CEP128: variants seen among roughly 807,000 people sequenced by gnomAD.
CEP128 encodes the protein centrosomal protein 128, also known as centrosomal protein 128kDa.
In CEP128, 132 loss-of-function variants were observed where a neutral mutation model predicts 156.7. The ratio of observed to expected loss-of-function variants is 0.84; its 90% CI spans 0.73 to 0.97. CEP128 has a LOEUF of 0.97. Ranked by LOEUF, CEP128 falls within the 50% of genes least tolerant of loss-of-function variation. The probability of loss-of-function intolerance (pLI) is 0.00; values close to 1 mark genes in which losing one functional copy is unlikely to be tolerated. For missense variants in CEP128, 1,252 were observed against 1,281.9 expected (o/e 0.98, Z 0.36); for synonymous variants, 469 against 448.9 (o/e 1.04, Z -0.57).
intron 16 of CEP128, among the ~76,000 whole-genome samples, chr14:80,768,509 C>T (rs933063748): frequency 6.6e-6 from 1 of 152,160 alleles, no homozygotes; most frequent in African/African-American, 2.4e-5. Flanking sequence ...CACTGTCTTC[C>T]TTCTCCTCTG....
chr14:80,651,553 T>G (rs961609718), intron 19 of CEP128, among the ~76,000 whole-genome samples: 2 of 152,204 alleles, frequency 1.3e-5, no homozygotes, highest in Non-Finnish European at 2.9e-5. Flanking sequence ...TGTGGGCATT[T>G]AGTGCTATAA....
chr14:80,516,913 G>C (rs1888516408), intron 23 of CEP128, among the ~76,000 whole-genome samples: 1 of 152,156 alleles, frequency 6.6e-6, no homozygotes, highest in Non-Finnish European at 1.5e-5. Context: ...CAGGTACTGT[G>C]ATTGCTCGCC....
chr14:80,758,522 CA>C (rs56253131), intron 17 of CEP128, among the ~76,000 whole-genome samples: 64,556 of 115,396 alleles, frequency 0.56, 14,248 homozygotes, highest in East Asian at 0.67. Context: ...GACTTTGTCT[CA>C]AAAAAAAAAA....
intron 19 of CEP128, among the ~76,000 whole-genome samples, chr14:80,705,255 T>A (rs1172686204): frequency 6.6e-6 from 1 of 152,000 alleles, no homozygotes; most frequent in Non-Finnish European, 1.5e-5. Context: ...TTAATCTAGA[T>A]TCTCCCTCTA....
chr14:80,660,482 T>C (rs535647236), intron 19 of CEP128, among the ~76,000 whole-genome samples: 3 of 152,204 alleles, frequency 2.0e-5, no homozygotes, highest in Admixed American at 2.0e-4. Context: ...ATCTTACAAC[T>C]GCAGTGATAA....
Position 80,904,805 on chromosome 14 carries a change from C to A in CEP128, c.480+8G>T, listed in dbSNP as rs377015992. 2 of 1,420,332 alleles carry A rather than the reference C, an allele frequency of 1.4e-6. No individual in the cohort carries two copies. The highest frequency in any genetic ancestry group is 2.8e-5 in the African/African-American group (2 of 70,934). 88.0% of individuals were successfully genotyped at this position (1,420,332 alleles called of 1,614,324 possible). A position where few individuals can be genotyped will look rare whatever the true frequency, so the allele number is the denominator to read the frequency against. ...ACTGCACACAAATTACAGAATGGTA[C>A]AAAGTACCTGAGTCATATCATCAGT... On this transcript the variant is annotated splice_region_variant and intron_variant, in intron 6 of 24. Transcript: ENST00000555265.
chr14:80,739,860 A>G (rs1467409927), intron 19 of CEP128, among the ~76,000 whole-genome samples: 1 of 152,170 alleles, frequency 6.6e-6, no homozygotes, highest in African/African-American at 2.4e-5. Flanking sequence ...GAAAAGACAA[A>G]TACTGTTACC....
intron 19 of CEP128, among the ~76,000 whole-genome samples, chr14:80,678,670 T>A (rs1204638278): frequency 6.6e-6 from 1 of 152,190 alleles, no homozygotes; most frequent in Non-Finnish European, 1.5e-5. Context: ...CTGTGACTCA[T>A]CTTTCCACTG....
At chr14:80,519,091 G>A (rs951756576) in intron 23 of CEP128, among the ~76,000 whole-genome samples, 1 of 152,184 alleles carries the variant, frequency 6.6e-6, no homozygotes, top group African/African-American at 2.4e-5. Context: ...AACATTCTTT[G>A]CAATTCTAAT....
chr14:80,820,832 G>A (rs1425379074), intron 13 of CEP128, among the ~76,000 whole-genome samples: 2 of 152,098 alleles, frequency 1.3e-5, no homozygotes, highest in Non-Finnish European at 2.9e-5. Context: ...ATTGCCACAA[G>A]TTTGCCAAAT....
At chr14:80,681,757 C>A (rs913834721) in intron 19 of CEP128, among the ~76,000 whole-genome samples, 2 of 152,158 alleles carry the variant, frequency 1.3e-5, no homozygotes, top group Admixed American at 6.5e-5. Flanking sequence ...AACTGTGAGT[C>A]AATTAAATCT....
In CEP128 at chr14:80,758,926, A is replaced by G. The variant is rs184406863; in HGVS notation, c.2554-1975T>C. ...CCAAGGTCATATATTAGAAATTTGCAATGACTTCCAATATGAACCTATACC... is the reference window on the plus strand; with the variant it reads ...CCAAGGTCATATATTAGAAATTTGCGATGACTTCCAATATGAACCTATACC... On this transcript the variant is annotated intron_variant, in intron 17 of 24. Coordinates refer to ENST00000555265, the MANE Select transcript of CEP128 (RefSeq NM_152446.5). Among the ~76,000 whole-genome samples, 47 of 152,328 alleles carry G rather than the reference A, an allele frequency of 3.1e-4. No homozygotes were observed. In the East Asian group the frequency reaches 8.5e-3, roughly 28 times the overall value.
At chr14:80,753,488 T>C (rs1364682333) in intron 18 of CEP128, among the ~76,000 whole-genome samples, 1 of 152,202 alleles carries the variant, frequency 6.6e-6, no homozygotes, top group Non-Finnish European at 1.5e-5. Context: ...CTTTTCTTTA[T>C]TCTCTGTCAC....
At chr14:80,478,532 T>C (rs982246959) in intron 14 of CEP128, 1 of 152,194 alleles carries the variant, frequency 6.6e-6, no homozygotes, top group Non-Finnish European at 1.5e-5. Flanking sequence ...ACTGTCTGCA[T>C]TCAAATTTGG....
At chr14:80,589,242 C>T (rs1037368350) in intron 19 of CEP128, among the ~76,000 whole-genome samples, 3 of 152,056 alleles carry the variant, frequency 2.0e-5, no homozygotes, top group African/African-American at 7.2e-5. Context: ...ACAGTGAGAT[C>T]CATTTTCATT....
chr14:80,562,833 T>G (rs1473770344), intron 20 of CEP128, among the ~76,000 whole-genome samples: 1 of 151,730 alleles, frequency 6.6e-6, no homozygotes, highest in Non-Finnish European at 1.5e-5. Flanking sequence ...GCTAATTTTT[T>G]TTTTACTTTT....
At chr14:80,889,684 C>T (rs1030172327) in intron 8 of CEP128, among the ~76,000 whole-genome samples, 1 of 152,124 alleles carries the variant, frequency 6.6e-6, no homozygotes, top group African/African-American at 2.4e-5. Flanking sequence ...TGGGAGAAAA[C>T]ACAGCCAATA....
At chr14:80,826,200 G>A (rs1368397212) in intron 13 of CEP128, among the ~76,000 whole-genome samples, 1 of 151,052 alleles carries the variant, frequency 6.6e-6, no homozygotes, top group Non-Finnish European at 1.5e-5. Context: ...ACAAACCAGA[G>A]TAAATTTGGT....
At chr14:80,904,660 G>A (rs192694481) in intron 6 of CEP128, among the ~76,000 whole-genome samples, 153 bp downstream of exon 6, 220 of 152,014 alleles carry the variant, frequency 1.4e-3, no homozygotes, top group Non-Finnish European at 2.6e-3. Flanking sequence ...AGTAAAAGTC[G>A]TTTACTTGGT....
Sources: gnomAD v4.1 joint callset for allele counts (sites outside exome capture counted in the v4.1 genomes callset) on GRCh38, gnomAD v4.1.1 for gene constraint, MANE v1.5 for transcripts, NCBI Gene and HGNC (gene_info 2026-07-23, HGNC 2026-07-21) for gene names.